Variants in SEMA3D observed in about 807,000 individuals in gnomAD.
SEMA3D encodes the protein semaphorin-3D.
SEMA3D carries 84 observed loss-of-function variants against 100.1 expected under a neutral mutation model. The ratio of observed to expected loss-of-function variants is 0.84; its 90% CI spans 0.70 to 1.01. The LOEUF (loss-of-function observed/expected upper bound fraction) is 1.01, where lower values mean the gene tolerates loss of function less well. Among genes scored for constraint, SEMA3D ranks in the 50% least tolerant of loss-of-function variants. SEMA3D has a pLI of 0.00. For synonymous variants in SEMA3D, 312 were observed against 320.7 expected (o/e 0.97, Z 0.29); for missense variants, 875 against 934.1 (o/e 0.94, Z 0.82).
rs146250130 is a variant in SEMA3D at position 85,030,325 on chromosome 7, A to G, written c.1191+6564T>C. ...AGTGTCCACATAGTAAAATGAATTT[A>G]TGAAATATTTAAAAAGTACCTATAA... On this transcript the variant is annotated intron_variant, in intron 12 of 18. Transcript: ENST00000284136. Among the ~76,000 whole-genome samples, 121 of 152,120 alleles carry G rather than the reference A, an allele frequency of 8.0e-4. 3 individuals carry two copies. In the East Asian group the frequency reaches 0.022, roughly 28 times the overall value.
At chr7:85,118,763 T>A (rs1447109479) in intron 3 of SEMA3D, among the ~76,000 whole-genome samples, 1 of 152,162 alleles carries the variant, frequency 6.6e-6, no homozygotes, top group African/African-American at 2.4e-5. Flanking sequence ...CTGTTGACAG[T>A]TTCTTTTGCT....
At position 85,022,517 on chromosome 7, in the gene SEMA3D, A is replaced by G; in HGVS notation, c.1288T>C (p.Ser430Pro). 1 of 1,612,358 alleles carries G rather than the reference A, an allele frequency of 6.2e-7. No individual in the cohort carries two copies. Among genetic ancestry groups the G allele is most frequent in the Non-Finnish European group, 8.5e-7 (1 of 1,178,806 alleles). Residue 430 changes from serine to proline, a missense_variant, in exon 13 of 19, where the codon TCC (serine) becomes CCC (proline). Physicochemically the swap from Ser to Pro is moderately conservative, Grantham distance 74. Coordinates refer to ENST00000284136, the MANE Select transcript of SEMA3D (RefSeq NM_001384900.1). ...FIKRHSVMYK[S>P]VYPVAGGPTF... ...GGTCCTCCTGCAACTGGGTATACGG[A>G]CTTATACATCACAGAGTGCCGCTTT...
chr7:85,108,142 A>G (rs750431746), intron 3 of SEMA3D, among the ~76,000 whole-genome samples: 7 of 152,048 alleles, frequency 4.6e-5, no homozygotes, highest in Non-Finnish European at 8.8e-5. Flanking sequence ...TATTTTTGCA[A>G]TTATTTTGTC....
chr7:85,033,533 G>A (rs992437419), intron 12 of SEMA3D, among the ~76,000 whole-genome samples: 4 of 151,982 alleles, frequency 2.6e-5, no homozygotes, highest in South Asian at 2.1e-4. Context: ...TAGTCATTTC[G>A]ATACTTATTT....
At chr7:85,098,103 G>C in intron 3 of SEMA3D, 138 bp from the exon 4 acceptor site, 1 of 554,834 alleles carries the variant, frequency 1.8e-6, no homozygotes, top group South Asian at 3.9e-5. Context: ...AAGAAAGAAA[G>C]AAAGAGAAAG....
chr7:85,247,270 A>C, the SEMA3D span, among the ~76,000 whole-genome samples: 1 of 152,122 alleles, frequency 6.6e-6, no homozygotes, highest in Non-Finnish European at 1.5e-5. Flanking sequence ...CACACACAGA[A>C]ACATTTGAAA....
chr7:85,174,288 G>C (rs1054590102), intron 1 of SEMA3D, among the ~76,000 whole-genome samples: 29 of 152,114 alleles, frequency 1.9e-4, no homozygotes, highest in Admixed American at 8.5e-4. Context: ...TTTCATCTGT[G>C]TTTCATCAGT....
the SEMA3D span, among the ~76,000 whole-genome samples, chr7:85,206,849 A>G: frequency 1.3e-5 from 2 of 152,106 alleles, no homozygotes; most frequent in African/African-American, 4.8e-5. Flanking sequence ...CTGTTTTTCA[A>G]ATACATATAT....
chr7:85,235,227 C>T, the SEMA3D span, among the ~76,000 whole-genome samples: 2 of 152,152 alleles, frequency 1.3e-5, no homozygotes, highest in Non-Finnish European at 2.9e-5. Context: ...TACTTATATA[C>T]ACATTATTTC....
intron 3 of SEMA3D, among the ~76,000 whole-genome samples, chr7:85,104,574 C>G (rs1788853104): frequency 1.3e-5 from 2 of 151,944 alleles, no homozygotes; most frequent in Admixed American, 6.6e-5. Flanking sequence ...ACCCGATGGT[C>G]TATATTCTTC....
chr7:85,153,961 C>T (rs576458071), intron 1 of SEMA3D, among the ~76,000 whole-genome samples: 25 of 152,258 alleles, frequency 1.6e-4, no homozygotes, highest in South Asian at 8.3e-4. Context: ...ACATGACAGA[C>T]GGCAATCTGC....
the SEMA3D span, among the ~76,000 whole-genome samples, chr7:85,212,936 A>G: frequency 2.6e-5 from 4 of 152,072 alleles, no homozygotes; most frequent in Admixed American, 1.3e-4. Context: ...CTTAGCTAAA[A>G]TATTGCCCAG....
the SEMA3D span, among the ~76,000 whole-genome samples, chr7:85,200,062 A>C: frequency 6.6e-6 from 1 of 152,208 alleles, no homozygotes; most frequent in Admixed American, 6.5e-5. Flanking sequence ...GTGGAACTGT[A>C]TGTCCATTAA....
At position 85,121,802 on chromosome 7, in the gene SEMA3D, C is replaced by G. The variant is rs372633293; in HGVS notation, c.90G>C (p.Leu30Phe). The G allele has an allele frequency of 1.2e-6, 2 of 1,609,330 alleles. No homozygotes were observed. Among genetic ancestry groups the G allele is most frequent in the African/African-American group, 2.7e-5 (2 of 74,700 alleles). The change falls in exon 3 of 19, where the codon TTG becomes TTC. Residue 30 changes from leucine (L) to phenylalanine (F), a missense_variant. Coordinates refer to ENST00000284136, the MANE Select transcript of SEMA3D (RefSeq NM_001384900.1). ...PALMMLSMTM[L>F]FLPVTGTLKQ... ...TCAAAGTGCCAGTGACTGGAAGAAA[C>G]AACATGGTCATGCTTAGCATCATCA...
In SEMA3D at chr7:84,999,529, T is replaced by G; in HGVS notation, c.2245A>C (p.Lys749Gln). The change falls in exon 19 of 19, where the codon AAG (lysine) becomes CAG (glutamine). Residue 749 changes from lysine (K) to glutamine (Q), a missense_variant. By Grantham distance (53) the Lys-to-Gln change is moderately conservative (BLOSUM62 1). Transcript: ENST00000284136. Reference sequence around the variant, plus strand: ...TTCATTTCCTGCATGTGCTTCCACTTTGGGCCCCCCTTGTTTCTCTGTCTC... The same window carrying G: ...TTCATTTCCTGCATGTGCTTCCACTGTGGGCCCCCCTTGTTTCTCTGTCTC... ...KRRQRNKGGP[K>Q]WKHMQEMKKK... is the part of the protein sequence containing the mutation. 6.2e-7 allele frequency: 1 copy of G among 1,614,112 alleles called. No individual in the cohort carries two copies. Among genetic ancestry groups the G allele is most frequent in the Non-Finnish European group, 8.5e-7 (1 of 1,180,020 alleles).
intron 1 of SEMA3D, among the ~76,000 whole-genome samples, chr7:85,156,101 ATTTT>A (rs3078417): frequency 6.3e-5 from 9 of 142,356 alleles, no homozygotes; most frequent in African/African-American, 1.8e-4. Context: ...AATATAAGTG[ATTTT>A]TTTTTTTTTT....
chr7:85,177,831 A>G (rs986290591), intron 1 of SEMA3D, among the ~76,000 whole-genome samples: 2 of 152,220 alleles, frequency 1.3e-5, no homozygotes, highest in Non-Finnish European at 2.9e-5. Context: ...AAACATAAGC[A>G]TTAAGTTGAA....
intron 3 of SEMA3D, among the ~76,000 whole-genome samples, chr7:85,118,064 G>GACAGGTAAAAACA (rs1198900727): frequency 6.6e-6 from 1 of 151,974 alleles, no homozygotes; most frequent in East Asian, 1.9e-4. Flanking sequence ...AAACTCAGGT[G>GACAGGTAAAAACA]TTCTTTTTAT....
intron 8 of SEMA3D, among the ~76,000 whole-genome samples, chr7:85,057,059 G>A (rs1791341234): frequency 6.6e-6 from 1 of 151,742 alleles, no homozygotes. Context: ...GTACATCCAT[G>A]TACTTGTAAA....
Sources: allele counts gnomAD v4.1 joint callset (sites outside exome capture counted in the v4.1 genomes callset), GRCh38; gene constraint gnomAD v4.1.1; transcripts MANE v1.5; gene names NCBI Gene and HGNC (gene_info 2026-07-23, HGNC 2026-07-21).